Variants in TAAR5 observed in about 807,000 individuals in gnomAD.
TAAR5 encodes the protein trace amine-associated receptor 5.
Under a neutral mutation model 21.1 loss-of-function variants are expected in TAAR5, and 27 were observed. The ratio of observed to expected loss-of-function variants is 1.28; its 90% CI spans 0.94 to 1.76. The LOEUF (loss-of-function observed/expected upper bound fraction) is 1.76. Ranked by LOEUF, TAAR5 falls within the 40% of genes most tolerant of loss-of-function variation. The pLI, the probability that TAAR5 is intolerant of heterozygous loss-of-function variation, is 0.00. For missense variants in TAAR5, 495 were observed against 405.6 expected, an observed-to-expected ratio of 1.22 and a Z score of -1.89; for synonymous variants, 203 against 167.5, an observed-to-expected ratio of 1.21 and a Z score of -1.64.
chr6:132,589,632 G>C lies in TAAR5; in HGVS notation c.55C>G (p.Gln19Glu). ...AEEHPAAFCY[Q>E]VNGSCPRTVH... ...GTCCTGGGGCAAGACCCATTCACCT[G>C]GTAGCAGAATGCCGCAGGGTGCTCT... Residue 19 changes from glutamine to glutamate, a missense_variant, in exon 1 of 1, where the codon CAG becomes GAG. Coordinates refer to ENST00000258034, the MANE Select transcript of TAAR5 (RefSeq NM_003967.3). 1 of 1,612,452 alleles carries C rather than the reference G, an allele frequency of 6.2e-7. No homozygotes were observed. The highest frequency in any genetic ancestry group is 8.5e-7 in the Non-Finnish European group (1 of 1,179,536).
the TAAR5 span, among the ~76,000 whole-genome samples, chr6:132,596,660 G>GT: frequency 3.1e-4 from 47 of 151,696 alleles, no homozygotes; most frequent in South Asian, 3.3e-3. Context: ...ATTTTTTAGG[G>GT]TTTTTTTTAA....
At chr6:132,612,634 T>A in the TAAR5 span, among the ~76,000 whole-genome samples, 1 of 151,998 alleles carries the variant, frequency 6.6e-6, no homozygotes, top group African/African-American at 2.4e-5. Context: ...AGTTGGGAGG[T>A]GCTGCTGCTA....
chr6:132,598,017 T>C, the TAAR5 span, among the ~76,000 whole-genome samples: 1 of 152,278 alleles, frequency 6.6e-6, no homozygotes, highest in East Asian at 1.9e-4. Context: ...GAGGGAAATA[T>C]AGCTCAACTA....
At chr6:132,599,419 C>T in the TAAR5 span, among the ~76,000 whole-genome samples, 1 of 147,992 alleles carries the variant, frequency 6.8e-6, no homozygotes, top group African/African-American at 2.5e-5. Context: ...ACCTTCACCT[C>T]CTGGGTTCAA....
At chr6:132,610,991 A>G in the TAAR5 span, among the ~76,000 whole-genome samples, 1 of 152,206 alleles carries the variant, frequency 6.6e-6, no homozygotes, top group Non-Finnish European at 1.5e-5. Flanking sequence ...ATGAAAGAAA[A>G]ATAGGAAATA....
At chr6:132,604,399 T>TC in the TAAR5 span, among the ~76,000 whole-genome samples, 1 of 152,070 alleles carries the variant, frequency 6.6e-6, no homozygotes, top group Non-Finnish European at 1.5e-5. Context: ...TGTCTCAGCC[T>TC]CCCAAAATGC....
Position 132,589,275 on chromosome 6 carries a change from C to A in TAAR5, c.412G>T (p.Asp138Tyr). Reference protein sequence around the residue: ...ISIDRHCAICDPLLYPSKFTV... With the variant: ...ISIDRHCAICYPLLYPSKFTV... Reference sequence around the variant, plus strand: ...AACTTGGAGGGATAGAGCAGGGGGTCACAGATGGCACAGTGGCGGTCAATG... The same window carrying A: ...AACTTGGAGGGATAGAGCAGGGGGTAACAGATGGCACAGTGGCGGTCAATG... Residue 138 changes from aspartate (D) to tyrosine (Y), a missense_variant, in exon 1 of 1, where the codon GAC becomes TAC. Asp to Tyr is a radical substitution (Grantham distance 160). Coordinates refer to ENST00000258034, the MANE Select transcript of TAAR5 (RefSeq NM_003967.3). The A allele has an allele frequency of 6.2e-7, 1 of 1,610,636 alleles. No individual in the cohort carries two copies. Among genetic ancestry groups the A allele is most frequent in the Non-Finnish European group, 8.5e-7 (1 of 1,178,244 alleles).
the TAAR5 span, among the ~76,000 whole-genome samples, chr6:132,615,371 A>G: frequency 1.7e-4 from 26 of 152,338 alleles, no homozygotes; most frequent in African/African-American, 6.3e-4. Flanking sequence ...ATGTAACAAG[A>G]AAGTATTGGG....
chr6:132,590,551 C>T (rs539902758), upstream of TAAR5, among the ~76,000 whole-genome samples: 1 of 152,114 alleles, frequency 6.6e-6, no homozygotes, highest in East Asian at 1.9e-4. Flanking sequence ...CAGGTGGACA[C>T]AGGGAATGTC....
the TAAR5 span, among the ~76,000 whole-genome samples, chr6:132,599,117 C>T: frequency 1.6e-4 from 24 of 152,198 alleles, no homozygotes; most frequent in Middle Eastern, 3.4e-3. Context: ...AAGAACAAGG[C>T]TTCAACACAA....
At chr6:132,604,121 A>AT in the TAAR5 span, among the ~76,000 whole-genome samples, 19 of 146,194 alleles carry the variant, frequency 1.3e-4, no homozygotes, top group Non-Finnish European at 1.5e-5. Flanking sequence ...ATTTTAACAT[A>AT]TTTTTTCTTT....
chr6:132,589,014 C>A lies in TAAR5; in HGVS notation c.673G>T (p.Val225Phe), dbSNP rs747163560. 4.3e-6 allele frequency: 7 copies of A among 1,613,924 alleles called. No individual in the cohort carries two copies. The highest frequency in any genetic ancestry group is 1.1e-5 in the South Asian group (1 of 91,090). ...MISLYVKIFVVATRQAQQITT... is the reference protein window; with the variant it reads ...MISLYVKIFVFATRQAQQITT... ...ATCTGCTGAGCCTGTCTGGTAGCAACCACAAAGATCTTCACATACAAGCTG... is the reference window on the plus strand; with the variant it reads ...ATCTGCTGAGCCTGTCTGGTAGCAAACACAAAGATCTTCACATACAAGCTG... The change falls in exon 1 of 1, where the codon GTT becomes TTT. Residue 225 changes from valine to phenylalanine, a missense_variant. Val to Phe is a conservative substitution (Grantham distance 50). Transcript: ENST00000258034.
At chr6:132,590,583 C>T (rs980651375), upstream of TAAR5, among the ~76,000 whole-genome samples, 3 of 152,172 alleles carry the variant, frequency 2.0e-5, no homozygotes, top group Non-Finnish European at 2.9e-5. Flanking sequence ...CTGTTGGCCA[C>T]AATGACAGGT....
chr6:132,603,044 A>C, the TAAR5 span, among the ~76,000 whole-genome samples: 1 of 151,998 alleles, frequency 6.6e-6, no homozygotes, highest in Non-Finnish European at 1.5e-5. Flanking sequence ...ACAGTGGCTC[A>C]AGCCTGTAAT....
chr6:132,609,896 C>A, the TAAR5 span, among the ~76,000 whole-genome samples: 1 of 152,150 alleles, frequency 6.6e-6, no homozygotes, highest in African/African-American at 2.4e-5. Flanking sequence ...AAACATGCAC[C>A]TGGGTCAATG....
At position 132,589,417 on chromosome 6, in the gene TAAR5, G is replaced by A. The variant is rs751394758; in HGVS notation, c.270C>T (p.Leu90=). 6.2e-7 allele frequency: 1 copy of A among 1,614,122 alleles called. No homozygotes were observed. Among genetic ancestry groups the A allele is most frequent in the Non-Finnish European group, 8.5e-7 (1 of 1,179,988 alleles). ...DMFLGLLVLP[L]STIRSVESCW... ...AGCTCTCCACTGAGCGAATGGTGCT[G>A]AGGGGCAGCACCAGCAGACCCAGAA... The change falls in exon 1 of 1, where the codon CTC becomes CTT. Residue 90 remains leucine, a synonymous_variant. Transcript: ENST00000258034.
the TAAR5 span, chr6:132,608,392 C>G: frequency 2.2e-6 from 1 of 455,786 alleles, no homozygotes; most frequent in Non-Finnish European, 4.4e-6. Context: ...GTACCGGAGC[C>G]ACACTAAAAG....
At chr6:132,609,019 T>C in the TAAR5 span, 106,153 of 455,662 alleles carry the variant, frequency 0.23, 13,337 homozygotes, top group Middle Eastern at 0.29. Context: ...CATTATGCTG[T>C]ATGGCATAAT....
chr6:132,592,840 G>T (rs1776926290), upstream of TAAR5, among the ~76,000 whole-genome samples: 1 of 152,060 alleles, frequency 6.6e-6, no homozygotes, highest in Non-Finnish European at 1.5e-5. Context: ...AGTTACACTT[G>T]GCCTAGCTCT....
Sources: allele counts gnomAD v4.1 joint callset (sites outside exome capture counted in the v4.1 genomes callset), GRCh38; gene constraint gnomAD v4.1.1; transcripts MANE v1.5; gene names NCBI Gene and HGNC (gene_info 2026-07-23, HGNC 2026-07-21).